Variants in MREG observed in about 807,000 individuals in gnomAD.
MREG encodes melanoregulin.
In MREG, 31 loss-of-function variants were observed where a neutral mutation model predicts 28.5. The observed-to-expected ratio is 1.09, with a 90% confidence interval of 0.82 to 1.47. The LOEUF is 1.47. MREG is among the 40% of genes most tolerant of loss of function. The probability of loss-of-function intolerance (pLI) is 0.00; values close to 1 mark genes in which losing one functional copy is unlikely to be tolerated. For synonymous variants in MREG, 106 were observed against 95.2 expected (o/e 1.11, Z -0.66); for missense variants, 256 against 257.4 (o/e 0.99, Z 0.04).
rs528816113 is a variant in MREG, at chr2:216,010,226, T to C, written c.95+3007A>G. 1.3e-4 allele frequency among the ~76,000 whole-genome samples: 20 copies of C among 152,090 alleles called. No individual in the cohort carries two copies. In the South Asian group the frequency reaches 2.5e-3, roughly 19 times the overall value. Reference sequence around the variant, plus strand: ...CTGTGTGGCCACAAGTCAAGGAACATTGGGAGCAACCAGAAGCTGGAATCA... The same window carrying C: ...CTGTGTGGCCACAAGTCAAGGAACACTGGGAGCAACCAGAAGCTGGAATCA... On this transcript the variant is annotated intron_variant, in intron 1 of 4. Transcript: ENST00000263268.
intron 1 of MREG, among the ~76,000 whole-genome samples, chr2:216,019,469 G>A (rs975575431): frequency 1.6e-4 from 24 of 150,004 alleles, no homozygotes; most frequent in African/African-American, 5.4e-4. Flanking sequence ...TCACTCTGTC[G>A]TTTCCCATAA....
At chr2:216,020,025 GA>G (rs941242182) in intron 1 of MREG, among the ~76,000 whole-genome samples, 32 of 150,608 alleles carry the variant, frequency 2.1e-4, no homozygotes, top group African/African-American at 6.8e-4. Flanking sequence ...TCCCAGGGAG[GA>G]AAAAAAAACA....
Position 215,947,205 on chromosome 2 carries a change from C to T in MREG, c.256-92G>A, listed in dbSNP as rs983417744. On this transcript the variant is annotated intron_variant, in intron 2 of 4. Coordinates refer to ENST00000263268, the MANE Select transcript of MREG (RefSeq NM_018000.3). ...CTTCATGTTGCCTAAACACCTGGCT[C>T]TTCTCTTTTATTAATCTTCAAAGCA... The T allele has an allele frequency of 5.4e-6, 4 of 736,570 alleles. No individual in the cohort carries two copies. The African/African-American group carries it at 7.1e-5, about 13-fold the overall frequency. The allele number at this position is 736,570 out of a possible 1,614,324, so 45.6% of individuals were successfully genotyped here. A position where few individuals can be genotyped will look rare whatever the true frequency, so the allele number is the denominator to read the frequency against.
At chr2:216,014,478 G>C (rs1434180065), upstream of MREG, among the ~76,000 whole-genome samples, 1 of 151,872 alleles carries the variant, frequency 6.6e-6, no homozygotes, top group African/African-American at 2.4e-5. Flanking sequence ...GTGAAGCCCC[G>C]TCTCTACTAA....
At chr2:216,010,112 A>G (rs554441601) in intron 1 of MREG, among the ~76,000 whole-genome samples, 1 of 152,322 alleles carries the variant, frequency 6.6e-6, no homozygotes, top group East Asian at 1.9e-4. Flanking sequence ...CCTAAATCCA[A>G]TCACTGGTGT....
At chr2:215,961,204 A>G (rs1260099811) in intron 2 of MREG, among the ~76,000 whole-genome samples, 1 of 152,212 alleles carries the variant, frequency 6.6e-6, no homozygotes, top group African/African-American at 2.4e-5. Flanking sequence ...AATAACTCCC[A>G]ACAATGGTTG....
chr2:215,941,059 A>C (rs1337406684), downstream of MREG, among the ~76,000 whole-genome samples: 1 of 152,166 alleles, frequency 6.6e-6, no homozygotes, highest in Non-Finnish European at 1.5e-5. Context: ...TGAGTTTTCA[A>C]TAGTCCACTT....
chr2:216,024,449 CAA>C (rs1339652646), intron 1 of MREG, among the ~76,000 whole-genome samples: 1 of 138,874 alleles, frequency 7.2e-6, no homozygotes. Flanking sequence ...GACTCAGTCT[CAA>C]AAAAAAAAAA....
chr2:216,024,532 A>G (rs1017413082), intron 1 of MREG, among the ~76,000 whole-genome samples: 2 of 151,634 alleles, frequency 1.3e-5, no homozygotes, highest in African/African-American at 4.9e-5. Context: ...TCCAAGGGAG[A>G]GCAGAACCTG....
Position 215,954,445 on chromosome 2 carries a change from A to AACACACCAC in MREG, c.256-7333_256-7332insGTGGTGTGT, listed in dbSNP as rs1692566543. Among the ~76,000 whole-genome samples, 3 of 136,524 alleles carry AACACACCAC rather than the reference A, an allele frequency of 2.2e-5. No individual in the cohort carries two copies. The South Asian group carries it at 7.3e-4, about 33-fold the overall frequency. The allele number at this position is 136,524 out of a possible 152,430, so 89.6% of individuals were successfully genotyped here. On this transcript the variant is annotated intron_variant, in intron 2 of 4. Transcript: ENST00000263268. The stretch of plus-strand genomic sequence containing the variant: ...TCCTTATTGTATTTGATCTGTGTAC[A>AACACACCAC]ACACACACACACACACACACACACA...
chr2:215,993,189 C>T (rs1301048288), intron 2 of MREG, among the ~76,000 whole-genome samples: 1 of 152,136 alleles, frequency 6.6e-6, no homozygotes, highest in Non-Finnish European at 1.5e-5. Context: ...GCTACAGTAA[C>T]CAAAACAACA....
chr2:215,949,072 CT>C (rs1692402714), intron 2 of MREG, among the ~76,000 whole-genome samples: 3 of 115,592 alleles, frequency 2.6e-5, no homozygotes, highest in African/African-American at 5.9e-5. Context: ...ACTACTACTA[CT>C]ACTACTACTA....
intron 2 of MREG, among the ~76,000 whole-genome samples, chr2:215,990,093 A>G (rs557794140): frequency 2.6e-5 from 4 of 152,280 alleles, no homozygotes; most frequent in South Asian, 2.1e-4. Flanking sequence ...ACACATAATT[A>G]TAAGATTCAC....
At chr2:215,977,432 G>A (rs1693292561) in intron 2 of MREG, among the ~76,000 whole-genome samples, 7 of 152,152 alleles carry the variant, frequency 4.6e-5, no homozygotes, top group Admixed American at 4.6e-4. Flanking sequence ...ACAATAATGG[G>A]AGATTTTAAC....
intron 2 of MREG, among the ~76,000 whole-genome samples, chr2:215,987,295 G>C (rs1327494266): frequency 1.3e-5 from 2 of 150,970 alleles, no homozygotes; most frequent in Admixed American, 6.6e-5. Flanking sequence ...ACCCAGGCCA[G>C]AGTGCAGTGG....
At chr2:216,014,881 T>C (rs1295653931), upstream of MREG, among the ~76,000 whole-genome samples, 2 of 152,334 alleles carry the variant, frequency 1.3e-5, no homozygotes, top group African/African-American at 2.4e-5. Context: ...TCCAGTCTGA[T>C]TTATTCAACA....
At chr2:215,993,831 A>G (rs1020575389) in intron 2 of MREG, among the ~76,000 whole-genome samples, 2 of 152,282 alleles carry the variant, frequency 1.3e-5, no homozygotes, top group African/African-American at 2.4e-5. Flanking sequence ...ATCACTGGTC[A>G]TTAGAGAAAT....
intron 2 of MREG, among the ~76,000 whole-genome samples, chr2:215,984,340 G>T (rs1473390865): frequency 5.3e-5 from 8 of 151,854 alleles, no homozygotes; most frequent in African/African-American, 1.9e-4. Flanking sequence ...ATATCAGTTA[G>T]CATACATCTC....
intron 1 of MREG, among the ~76,000 whole-genome samples, chr2:216,002,569 G>A (rs574432211): frequency 4.6e-5 from 7 of 152,272 alleles, no homozygotes; most frequent in South Asian, 2.1e-4. Flanking sequence ...AGCAACCAAC[G>A]GTCCAGAAAA....
Sources: gnomAD v4.1 joint callset for allele counts (sites outside exome capture counted in the v4.1 genomes callset) on GRCh38, gnomAD v4.1.1 for gene constraint, MANE v1.5 for transcripts, NCBI Gene and HGNC (gene_info 2026-07-23, HGNC 2026-07-21) for gene names.